The following NKAIN3 variants were observed in gnomAD, a reference collection of about 807,000 sequenced individuals.
NKAIN3 encodes the protein sodium/potassium transporting ATPase interacting 3.
A neutral mutation model predicts 30.2 loss-of-function variants in NKAIN3; 25 were observed. The observed-to-expected ratio is 0.83, with a 90% confidence interval of 0.60 to 1.16. The LOEUF (loss-of-function observed/expected upper bound fraction) is 1.16. NKAIN3 is among the 50% of genes most tolerant of loss of function. The pLI is 0.00. For missense variants in NKAIN3, 225 were observed against 254.1 expected (o/e 0.89, Z 0.78); for synonymous variants, 91 against 89.6 (o/e 1.02, Z -0.09).
intron 4 of NKAIN3, among the ~76,000 whole-genome samples, chr8:62,832,049 A>G (rs374440215): frequency 1.3e-5 from 2 of 152,150 alleles, no homozygotes; most frequent in East Asian, 1.9e-4. Flanking sequence ...ACCAGAAGAG[A>G]TAAGAGGCCT....
intron 4 of NKAIN3, among the ~76,000 whole-genome samples, chr8:62,888,183 A>C (rs968622557): frequency 1.3e-5 from 2 of 152,194 alleles, no homozygotes; most frequent in Admixed American, 1.3e-4. Flanking sequence ...CTCTTTCCCC[A>C]GGTCATTAGG....
intron 4 of NKAIN3, among the ~76,000 whole-genome samples, chr8:62,907,061 C>T (rs371227576): frequency 6.6e-6 from 1 of 152,114 alleles, no homozygotes; most frequent in South Asian, 2.1e-4. Context: ...GTGATATGGA[C>T]AATGAAGTCC....
intron 1 of NKAIN3, among the ~76,000 whole-genome samples, chr8:62,355,279 T>A (rs540125499): frequency 6.6e-5 from 10 of 152,356 alleles, no homozygotes; most frequent in Admixed American, 3.3e-4. Context: ...TCTGGAAATT[T>A]GTTTTTTCCA....
At chr8:62,708,024 C>T (rs1048846111) in intron 3 of NKAIN3, among the ~76,000 whole-genome samples, 13 of 152,110 alleles carry the variant, frequency 8.5e-5, no homozygotes, top group African/African-American at 2.9e-4. Context: ...TGTCAAAGAC[C>T]AGTTGGCTGT....
intron 5 of NKAIN3, among the ~76,000 whole-genome samples, chr8:62,948,023 G>A (rs1250756964): frequency 6.6e-6 from 1 of 152,200 alleles, no homozygotes; most frequent in Non-Finnish European, 1.5e-5. Context: ...GATAACTAGA[G>A]CAAGCAGCTT....
chr8:62,411,347 C>A (rs1804230713), intron 1 of NKAIN3, among the ~76,000 whole-genome samples: 1 of 152,158 alleles, frequency 6.6e-6, no homozygotes. Context: ...TAAAATCCAA[C>A]ATCCCTTCAT....
chr8:62,555,765 C>T (rs1360397792), intron 1 of NKAIN3, among the ~76,000 whole-genome samples: 1 of 151,878 alleles, frequency 6.6e-6, no homozygotes, highest in Non-Finnish European at 1.5e-5. Context: ...TTTTAAAATT[C>T]CACACAAAGA....
chr8:62,986,286 T>C (rs1187661510), downstream of NKAIN3, among the ~76,000 whole-genome samples: 2 of 152,186 alleles, frequency 1.3e-5, no homozygotes, highest in African/African-American at 2.4e-5. Context: ...ATTCAGGAGA[T>C]TGAGGCCCTT....
rs35791396 is a variant in NKAIN3, at chr8:62,589,875, T to TTGTGTGTGTGTGTG, written c.273+109_273+122dup. On this transcript the variant is annotated intron_variant, in intron 3 of 6. Coordinates refer to ENST00000623646, the MANE Select transcript of NKAIN3 (RefSeq NM_001304533.3). ...GTGACTACATACATATATAGGTATA[T>TTGTGTGTGTGTGTG]TGTGTGTGTGTGTGTGTGTGTGTGT... 3.3e-5 allele frequency: 14 copies of TTGTGTGTGTGTGTG among 430,072 alleles called. No individual in the cohort carries two copies. In the East Asian group the frequency reaches 3.4e-4, roughly 11 times the overall value. The allele number at this position is 430,072 out of a possible 1,614,324, so 26.6% of individuals were successfully genotyped here.
chr8:62,916,751 T>C (rs181903760), intron 4 of NKAIN3, among the ~76,000 whole-genome samples: 261 of 152,188 alleles, frequency 1.7e-3, no homozygotes, highest in African/African-American at 6.0e-3. Flanking sequence ...TCACCCCACT[T>C]CTCTCACTGT....
chr8:62,709,185 T>C (rs1814636608), intron 3 of NKAIN3, among the ~76,000 whole-genome samples: 1 of 152,150 alleles, frequency 6.6e-6, no homozygotes, highest in Non-Finnish European at 1.5e-5. Context: ...TAGTTTTCTT[T>C]TCTGGCTATG....
intron 6 of NKAIN3, among the ~76,000 whole-genome samples, chr8:62,962,523 C>T (rs1350057): frequency 0.11 from 17,472 of 152,152 alleles, 1,180 homozygotes; most frequent in East Asian, 0.25. Flanking sequence ...GTTCTTTCAA[C>T]CTCTACACTT....
intron 1 of NKAIN3, among the ~76,000 whole-genome samples, chr8:62,317,806 C>A (rs758219161): frequency 3.3e-5 from 5 of 152,114 alleles, no homozygotes; most frequent in Non-Finnish European, 7.4e-5. Flanking sequence ...TTTTCCAATT[C>A]TGTGAAGAAA....
At chr8:62,313,655 T>C (rs1007156008) in intron 1 of NKAIN3, among the ~76,000 whole-genome samples, 2 of 152,142 alleles carry the variant, frequency 1.3e-5, no homozygotes, top group African/African-American at 2.4e-5. Flanking sequence ...CAAAACAGGT[T>C]TGATTCTATT....
chr8:62,549,449 A>T (rs1413193659), intron 1 of NKAIN3, among the ~76,000 whole-genome samples: 1 of 152,052 alleles, frequency 6.6e-6, no homozygotes, highest in East Asian at 1.9e-4. Flanking sequence ...ATGGCCTTTC[A>T]TCTTTCTGCT....
At chr8:62,559,269 A>G (rs1038593431) in intron 1 of NKAIN3, among the ~76,000 whole-genome samples, 4 of 151,872 alleles carry the variant, frequency 2.6e-5, no homozygotes, top group Non-Finnish European at 2.9e-5. Context: ...AGGTTTCCAT[A>G]ATACACTCAT....
intron 4 of NKAIN3, among the ~76,000 whole-genome samples, chr8:62,804,667 A>G (rs1818206403): frequency 6.6e-6 from 1 of 152,194 alleles, no homozygotes; most frequent in Non-Finnish European, 1.5e-5. Flanking sequence ...AATAAGAGCT[A>G]TCTATGACAA....
intron 1 of NKAIN3, among the ~76,000 whole-genome samples, chr8:62,478,262 G>C (rs918479126): frequency 2.6e-5 from 4 of 152,116 alleles, no homozygotes; most frequent in Non-Finnish European, 1.5e-5. Context: ...GTTAGTAGTT[G>C]CTCCAGTATT....
rs1363593681 is a variant in NKAIN3, at chr8:62,973,416, C to A, written c.*8009C>A. Among the ~76,000 whole-genome samples, 1 of 151,474 alleles carries A rather than the reference C, an allele frequency of 6.6e-6. No individual in the cohort carries two copies. Among genetic ancestry groups the A allele is most frequent in the African/African-American group, 2.4e-5 (1 of 41,386 alleles). ...TTTTGATTTGCATTTCTCTAATGAC[C>A]AGTGATGATGAGATTTTTTTTTACG... is the stretch of plus-strand genomic sequence containing the variant. On this transcript the variant is annotated 3_prime_UTR_variant, in exon 7 of 7. Coordinates refer to ENST00000623646, the MANE Select transcript of NKAIN3 (RefSeq NM_001304533.3).
Sources: allele counts gnomAD v4.1 joint callset (sites outside exome capture counted in the v4.1 genomes callset), GRCh38; gene constraint gnomAD v4.1.1; transcripts MANE v1.5; gene names NCBI Gene and HGNC (gene_info 2026-07-23, HGNC 2026-07-21).